Variants in PABPC4L observed in about 807,000 individuals in gnomAD.
The protein encoded by PABPC4L is poly(A) binding protein cytoplasmic 4 like, also known as polyadenylate-binding protein 4-like.
For synonymous variants in PABPC4L, 169 were observed against 164.1 expected, an observed-to-expected ratio of 1.03 and a Z score of -0.23; for missense variants, 452 against 451.4, an observed-to-expected ratio of 1.00 and a Z score of -0.01.
the PABPC4L span, among the ~76,000 whole-genome samples, chr4:133,967,154 C>T: frequency 2.6e-5 from 4 of 151,934 alleles, no homozygotes; most frequent in Non-Finnish European, 5.9e-5. Context: ...ATCAAGAGTT[C>T]AGTTTTAAAT....
At chr4:134,007,341 C>CA in the PABPC4L span, among the ~76,000 whole-genome samples, 299 of 146,102 alleles carry the variant, frequency 2.0e-3, no homozygotes, top group African/African-American at 3.7e-3. Context: ...ATTACTTTTT[C>CA]AAAAAAAAAA....
chr4:134,186,159 C>T, the PABPC4L span, among the ~76,000 whole-genome samples: 3 of 152,118 alleles, frequency 2.0e-5, no homozygotes, highest in African/African-American at 2.4e-5. Context: ...CTACCAATGA[C>T]TTTCTTCACA....
chr4:134,003,378 T>C, the PABPC4L span, among the ~76,000 whole-genome samples: 1 of 151,958 alleles, frequency 6.6e-6, no homozygotes, highest in Non-Finnish European at 1.5e-5. Flanking sequence ...TTTGAACATA[T>C]TGCATATTTC....
At chr4:134,190,656 C>T in the PABPC4L span, among the ~76,000 whole-genome samples, 2 of 151,822 alleles carry the variant, frequency 1.3e-5, no homozygotes, top group African/African-American at 2.4e-5. Context: ...TATATATATA[C>T]ATATGAATAT....
chr4:134,069,057 A>G, the PABPC4L span, among the ~76,000 whole-genome samples: 2 of 152,068 alleles, frequency 1.3e-5, no homozygotes, highest in Non-Finnish European at 1.5e-5. Context: ...GCTTATCTGG[A>G]CTAGGATCCT....
the PABPC4L span, among the ~76,000 whole-genome samples, chr4:133,954,158 G>T: frequency 6.6e-6 from 1 of 152,120 alleles, no homozygotes; most frequent in South Asian, 2.1e-4. Context: ...TCCCTTAAGG[G>T]CCAGATTTCT....
the PABPC4L span, among the ~76,000 whole-genome samples, chr4:134,185,963 C>T: frequency 1.3e-5 from 2 of 151,932 alleles, no homozygotes; most frequent in Non-Finnish European, 1.5e-5. Flanking sequence ...AAAATACCTA[C>T]GAATCCAACT....
the PABPC4L span, among the ~76,000 whole-genome samples, chr4:133,963,119 C>A: frequency 6.6e-6 from 1 of 152,156 alleles, no homozygotes; most frequent in East Asian, 1.9e-4. Context: ...TAAGGACTCA[C>A]ATAAACTTAA....
the PABPC4L span, among the ~76,000 whole-genome samples, chr4:134,112,292 T>C: frequency 6.6e-6 from 1 of 151,976 alleles, no homozygotes; most frequent in Non-Finnish European, 1.5e-5. Context: ...TGGAAAATAC[T>C]AGTTAAAAAT....
At chr4:134,054,411 C>A in the PABPC4L span, among the ~76,000 whole-genome samples, 1 of 150,840 alleles carries the variant, frequency 6.6e-6, no homozygotes, top group African/African-American at 2.4e-5. Flanking sequence ...TACATAATTT[C>A]CATCAATGAT....
chr4:134,190,590 T>C, the PABPC4L span, among the ~76,000 whole-genome samples: 1 of 152,264 alleles, frequency 6.6e-6, no homozygotes, highest in African/African-American at 2.4e-5. Flanking sequence ...AGCATGACTA[T>C]AATACTTCTC....
chr4:133,983,705 T>C, the PABPC4L span, among the ~76,000 whole-genome samples: 1 of 151,850 alleles, frequency 6.6e-6, no homozygotes, highest in South Asian at 2.1e-4. Flanking sequence ...ACTTGGAATA[T>C]TTTGTATTAC....
chr4:134,143,560 T>C, the PABPC4L span, among the ~76,000 whole-genome samples: 1 of 150,814 alleles, frequency 6.6e-6, no homozygotes, highest in African/African-American at 2.4e-5. Context: ...AGGCATATCT[T>C]CGTAATAATT....
chr4:133,958,129 G>A, the PABPC4L span, among the ~76,000 whole-genome samples: 3,582 of 152,216 alleles, frequency 0.024, 71 homozygotes, highest in Middle Eastern at 0.058. Context: ...GCATCAACAG[G>A]CTGCAGATTT....
At chr4:134,109,779 T>A in the PABPC4L span, among the ~76,000 whole-genome samples, 1 of 151,726 alleles carries the variant, frequency 6.6e-6, no homozygotes, top group African/African-American at 2.4e-5. Flanking sequence ...ATCGTCTTGC[T>A]CTGTCACTCA....
At chr4:134,087,468 C>T in the PABPC4L span, among the ~76,000 whole-genome samples, 2 of 152,072 alleles carry the variant, frequency 1.3e-5, no homozygotes, top group African/African-American at 2.4e-5. Context: ...TATAAACTTG[C>T]ACACCCAGCC....
the PABPC4L span, among the ~76,000 whole-genome samples, chr4:133,967,200 G>A: frequency 6.6e-6 from 1 of 152,026 alleles, no homozygotes; most frequent in African/African-American, 2.4e-5. Context: ...GGCCAGGCAC[G>A]GTGGCCCATG....
the PABPC4L span, among the ~76,000 whole-genome samples, chr4:133,990,602 G>A: frequency 6.6e-6 from 1 of 152,158 alleles, no homozygotes; most frequent in East Asian, 1.9e-4. Context: ...TGAGAGTGCA[G>A]CACCACCAAT....
chr4:133,971,581 T>C, the PABPC4L span, among the ~76,000 whole-genome samples: 825 of 152,270 alleles, frequency 5.4e-3, 14 homozygotes, highest in African/African-American at 0.019. Flanking sequence ...GAAGATCAAA[T>C]AATATCACTC....
Sources: gnomAD v4.1 joint callset for allele counts (sites outside exome capture counted in the v4.1 genomes callset) on GRCh38, gnomAD v4.1.1 for gene constraint, MANE v1.5 for transcripts, NCBI Gene and HGNC (gene_info 2026-07-23, HGNC 2026-07-21) for gene names.